Variants in SLC49A4 observed in about 807,000 individuals in gnomAD.
SLC49A4 encodes solute carrier family 49 member 4.
In SLC49A4, 36 loss-of-function variants were observed where a neutral mutation model predicts 50.6. That is an observed-to-expected ratio of 0.71 (90% CI 0.55 to 0.94). SLC49A4 has a LOEUF of 0.94. Ranked by LOEUF, SLC49A4 falls within the 40% of genes least tolerant of loss-of-function variation. The pLI, the probability that SLC49A4 is intolerant of heterozygous loss-of-function variation, is 0.00. For missense variants in SLC49A4, 503 were observed against 605.7 expected, an observed-to-expected ratio of 0.83 and a Z score of 1.78; for synonymous variants, 248 against 241.2, an observed-to-expected ratio of 1.03 and a Z score of -0.26.
chr3:122,858,953 TGCTATAAAA>T (rs2107579168), intron 6 of SLC49A4, among the ~76,000 whole-genome samples: 1 of 152,342 alleles, frequency 6.6e-6, no homozygotes, highest in Non-Finnish European at 1.5e-5. Context: ...AAACTTAAAA[TGCTATAAAA>T]GTCCCAAGTT....
intron 7 of SLC49A4, among the ~76,000 whole-genome samples, chr3:122,862,619 G>C (rs1937071077): frequency 6.6e-6 from 1 of 152,122 alleles, no homozygotes; most frequent in South Asian, 2.1e-4. Flanking sequence ...CTTATTCATG[G>C]CATTACATTC....
intron 8 of SLC49A4, 81 bp downstream of exon 8, chr3:122,872,678 TG>T: frequency 1.0e-6 from 1 of 979,418 alleles, no homozygotes; most frequent in Non-Finnish European, 1.5e-6. Context: ...AGTTTTTATA[TG>T]GAGAAGTCTC....
At position 122,872,515 on chromosome 3, in the gene SLC49A4, A is replaced by G. The variant is rs780149277; in HGVS notation, c.1239A>G (p.Glu413=). The G allele has an allele frequency of 2.5e-6, 4 of 1,613,248 alleles. No homozygotes were observed. The South Asian group carries it at 4.4e-5, about 18-fold the overall frequency. The change falls in exon 8 of 9, where the codon GAA becomes GAG. Residue 413 remains glutamate (E), a synonymous_variant. Coordinates refer to ENST00000261038, the MANE Select transcript of SLC49A4 (RefSeq NM_032839.3). ...LFVETVYPVP[E]GITCGVVTFL... ...TGGAAACTGTCTACCCAGTTCCAGA[A>G]GGAATTACTTGTGGAGTTGTCACTT...
At chr3:122,857,503 C>G (rs1210188645) in intron 6 of SLC49A4, among the ~76,000 whole-genome samples, 1 of 152,064 alleles carries the variant, frequency 6.6e-6, no homozygotes, top group Non-Finnish European at 1.5e-5. Flanking sequence ...CATATCACCT[C>G]AATATCTAAA....
intron 6 of SLC49A4, 102 bp from the exon 7 acceptor site, chr3:122,859,973 A>ATAT (rs1302987877): frequency 1.6e-5 from 17 of 1,049,900 alleles, no homozygotes; most frequent in Non-Finnish European, 2.2e-5. Context: ...TTTTAAAAGA[A>ATAT]TATATGGAAA....
At chr3:122,811,512 C>T (rs1419621609) in intron 2 of SLC49A4, among the ~76,000 whole-genome samples, 2 of 152,174 alleles carry the variant, frequency 1.3e-5, no homozygotes, top group Non-Finnish European at 2.9e-5. Flanking sequence ...GGCACTTTGG[C>T]AGTATTTACC....
At chr3:122,819,243 CA>C (rs777101254) in intron 2 of SLC49A4, among the ~76,000 whole-genome samples, 2,771 of 100,574 alleles carry the variant, frequency 0.028, 54 homozygotes, top group African/African-American at 0.096. Flanking sequence ...GACCCTGCCT[CA>C]AAAAAAAAAA....
At chr3:122,858,428 T>G (rs1937016357) in intron 6 of SLC49A4, among the ~76,000 whole-genome samples, 1 of 152,194 alleles carries the variant, frequency 6.6e-6, no homozygotes, top group African/African-American at 2.4e-5. Context: ...TAAAACAGTC[T>G]TTTGGATTTT....
At position 122,880,235 on chromosome 3, in the gene SLC49A4, C is replaced by A. The variant is rs927777348; in HGVS notation, c.*857C>A. The A allele has an allele frequency of 2.6e-5, 4 of 152,206 alleles. No homozygotes were observed. The highest frequency in any genetic ancestry group is 9.7e-5 in the African/African-American group (4 of 41,448). The allele number at this position is 152,206 out of a possible 1,614,324, so 9.4% of individuals were successfully genotyped here. On this transcript the variant is annotated 3_prime_UTR_variant, in exon 9 of 9. Transcript: ENST00000261038. The stretch of plus-strand genomic sequence containing the variant: ...CATGAGATGTAATGTCCAGAGCCAA[C>A]AATTATTTACCAGGGTTAGATTTTA...
At chr3:122,875,740 T>C (rs1170157343) in intron 8 of SLC49A4, among the ~76,000 whole-genome samples, 1 of 152,172 alleles carries the variant, frequency 6.6e-6, no homozygotes, top group East Asian at 1.9e-4. Context: ...CTAGGGTTTT[T>C]CCCCCTACAG....
At chr3:122,796,996 C>T (rs999390033) in intron 1 of SLC49A4, among the ~76,000 whole-genome samples, 2 of 152,170 alleles carry the variant, frequency 1.3e-5, no homozygotes, top group Non-Finnish European at 2.9e-5. Flanking sequence ...AGTTAGCACT[C>T]AAAATTAGTT....
intron 2 of SLC49A4, 98 bp downstream of exon 2, chr3:122,807,048 TA>T (rs141921733): frequency 0.054 from 35,744 of 657,468 alleles, 1,031 homozygotes; most frequent in Middle Eastern, 0.08. Context: ...TAGAAGCGTT[TA>T]TTTTTTTACT....
At chr3:122,810,117 G>A (rs975123470) in intron 2 of SLC49A4, among the ~76,000 whole-genome samples, 6 of 152,110 alleles carry the variant, frequency 3.9e-5, no homozygotes, top group Non-Finnish European at 7.4e-5. Flanking sequence ...TTGAGCTTTT[G>A]ACCCAGCCTT....
At chr3:122,805,391 C>G (rs1936202682) in intron 1 of SLC49A4, among the ~76,000 whole-genome samples, 1 of 152,114 alleles carries the variant, frequency 6.6e-6, no homozygotes, top group South Asian at 2.1e-4. Flanking sequence ...AGTTTATTTT[C>G]TTTGCTATGT....
At chr3:122,842,690 C>A (rs563353265) in intron 4 of SLC49A4, among the ~76,000 whole-genome samples, 1 of 151,950 alleles carries the variant, frequency 6.6e-6, no homozygotes, top group Non-Finnish European at 1.5e-5. Context: ...TAAAATTGTC[C>A]CCCCAACCCC....
chr3:122,849,267 G>A (rs1334456091), intron 5 of SLC49A4, among the ~76,000 whole-genome samples: 1 of 152,166 alleles, frequency 6.6e-6, no homozygotes, highest in East Asian at 1.9e-4. Flanking sequence ...ACATGGGAGT[G>A]CAGATTTCTT....
intron 4 of SLC49A4, among the ~76,000 whole-genome samples, chr3:122,837,344 G>A (rs1936702417): frequency 6.6e-6 from 1 of 152,126 alleles, no homozygotes; most frequent in Non-Finnish European, 1.5e-5. Flanking sequence ...AAACAGCATG[G>A]TACTGGTACC....
chr3:122,861,202 C>T (rs1231161697), intron 7 of SLC49A4, among the ~76,000 whole-genome samples: 1 of 152,088 alleles, frequency 6.6e-6, no homozygotes, highest in African/African-American at 2.4e-5. Flanking sequence ...CCCATTTCAA[C>T]CTTAATCCCC....
intron 7 of SLC49A4, among the ~76,000 whole-genome samples, chr3:122,865,365 A>G (rs1937104582): frequency 6.6e-6 from 1 of 152,236 alleles, no homozygotes; most frequent in Non-Finnish European, 1.5e-5. Context: ...ATGATTTAAT[A>G]GTACCTTACA....
Sources: gnomAD v4.1 joint callset for allele counts (sites outside exome capture counted in the v4.1 genomes callset) on GRCh38, gnomAD v4.1.1 for gene constraint, MANE v1.5 for transcripts, NCBI Gene and HGNC (gene_info 2026-07-23, HGNC 2026-07-21) for gene names.